Variants in COLEC10 observed in about 807,000 individuals in gnomAD.
The protein encoded by COLEC10 is collectin subfamily member 10.
In COLEC10, 22 loss-of-function variants were observed where a neutral mutation model predicts 28.4. The observed-to-expected ratio is 0.78, with a 90% CI of 0.55 to 1.11. The LOEUF (loss-of-function observed/expected upper bound fraction) is 1.11. Ranked by LOEUF, COLEC10 falls within the 50% of genes least tolerant of loss-of-function variation. The pLI is 0.00. For synonymous variants in COLEC10, 125 were observed against 116.1 expected (o/e 1.08, Z -0.49); for missense variants, 361 against 344.1 (o/e 1.05, Z -0.39).
intron 1 of COLEC10, among the ~76,000 whole-genome samples, chr8:118,999,138 A>T (rs1386931987): frequency 6.6e-6 from 1 of 152,238 alleles, no homozygotes; most frequent in Non-Finnish European, 1.5e-5. Flanking sequence ...ACATTTATTT[A>T]TTATAAATAC....
intron 1 of COLEC10, among the ~76,000 whole-genome samples, chr8:119,069,363 G>A (rs1815042112): frequency 6.6e-6 from 1 of 151,818 alleles, no homozygotes; most frequent in Non-Finnish European, 1.5e-5. Context: ...GGGAGGCCAA[G>A]GCAGGTGGAT....
At chr8:119,065,402 G>T (rs934186543), upstream of COLEC10, among the ~76,000 whole-genome samples, 2 of 152,118 alleles carry the variant, frequency 1.3e-5, no homozygotes, top group African/African-American at 4.8e-5. Flanking sequence ...AGAATCTAAT[G>T]CCTGATGATC....
chr8:118,968,999 A>T, the COLEC10 span, among the ~76,000 whole-genome samples: 1 of 152,078 alleles, frequency 6.6e-6, no homozygotes, highest in Non-Finnish European at 1.5e-5. Context: ...GAGGTTTCAC[A>T]TAATTGATTA....
Position 119,103,898 on chromosome 8 carries a change from G to A in COLEC10, c.442+3G>A. 2 of 1,580,334 alleles carry A rather than the reference G, an allele frequency of 1.3e-6. No homozygotes were observed. The highest frequency in any genetic ancestry group is 8.7e-7 in the Non-Finnish European group (1 of 1,149,828). On this transcript the variant is annotated splice_donor_region_variant and intron_variant, in intron 5 of 5. Transcript: ENST00000332843. ...ATCTATGAAGTTTGTCAAGAATGGTGAGCATATTCTCTTTTGTGTTATGTA... is the reference window on the plus strand; with the variant it reads ...ATCTATGAAGTTTGTCAAGAATGGTAAGCATATTCTCTTTTGTGTTATGTA...
the COLEC10 span, among the ~76,000 whole-genome samples, chr8:118,984,373 A>G: frequency 6.6e-6 from 1 of 152,126 alleles, no homozygotes; most frequent in African/African-American, 2.4e-5. Context: ...ATAAAAAACA[A>G]CTATTGCGTA....
At chr8:119,081,120 C>A (rs943509451) in intron 1 of COLEC10, among the ~76,000 whole-genome samples, 1 of 152,020 alleles carries the variant, frequency 6.6e-6, no homozygotes, top group Non-Finnish European at 1.5e-5. Context: ...TTGCCTAAGG[C>A]AAATTAGGGT....
chr8:118,972,163 A>G, the COLEC10 span, among the ~76,000 whole-genome samples: 3 of 151,944 alleles, frequency 2.0e-5, no homozygotes, highest in Non-Finnish European at 1.5e-5. Flanking sequence ...GCCTTGAGTA[A>G]AAAAAGTTAT....
chr8:119,072,249 G>A (rs998531419), intron 1 of COLEC10, among the ~76,000 whole-genome samples: 1 of 151,638 alleles, frequency 6.6e-6, no homozygotes, highest in African/African-American at 2.4e-5. Context: ...GGGGTGACAG[G>A]AGCAAGATTG....
chr8:119,100,113 T>G (rs887625937), intron 3 of COLEC10, among the ~76,000 whole-genome samples: 1 of 152,198 alleles, frequency 6.6e-6, no homozygotes, highest in African/African-American at 2.4e-5. Flanking sequence ...TGATGAGGAC[T>G]GCTATTCTTT....
intron 1 of COLEC10, among the ~76,000 whole-genome samples, chr8:118,999,420 A>C (rs1167579191): frequency 6.6e-6 from 1 of 151,954 alleles, no homozygotes; most frequent in African/African-American, 2.4e-5. Flanking sequence ...GTGAAACCCC[A>C]TCTCTACTGA....
At chr8:119,074,474 A>T (rs1815186943) in intron 1 of COLEC10, among the ~76,000 whole-genome samples, 1 of 152,152 alleles carries the variant, frequency 6.6e-6, no homozygotes, top group South Asian at 2.1e-4. Context: ...CATATTGCCC[A>T]CCTCAAATGC....
At chr8:118,963,462 A>G in the COLEC10 span, among the ~76,000 whole-genome samples, 2 of 152,210 alleles carry the variant, frequency 1.3e-5, no homozygotes, top group African/African-American at 4.8e-5. Context: ...CATTCAACTC[A>G]AGGAGCTCTC....
At chr8:119,053,284 G>A (rs1401672244) in intron 2 of COLEC10, among the ~76,000 whole-genome samples, 1 of 152,120 alleles carries the variant, frequency 6.6e-6, no homozygotes, top group Non-Finnish European at 1.5e-5. Context: ...GCTAAAAAGA[G>A]ATGAGCAGCA....
At chr8:119,029,336 C>T (rs542490383) in intron 2 of COLEC10, among the ~76,000 whole-genome samples, 63 of 152,262 alleles carry the variant, frequency 4.1e-4, no homozygotes, top group Admixed American at 1.0e-3. Flanking sequence ...ATCTGGGAGA[C>T]GATCAGCAAT....
At chr8:118,961,175 T>C in the COLEC10 span, among the ~76,000 whole-genome samples, 1 of 152,138 alleles carries the variant, frequency 6.6e-6, no homozygotes, top group Non-Finnish European at 1.5e-5. Flanking sequence ...ACTATAGTGA[T>C]AAGGAAACTA....
At chr8:119,054,848 A>G (rs1207207726) in intron 2 of COLEC10, among the ~76,000 whole-genome samples, 2 of 152,120 alleles carry the variant, frequency 1.3e-5, no homozygotes, top group African/African-American at 4.8e-5. Context: ...AAAGACTGCA[A>G]TATCTATGAA....
chr8:118,957,814 A>G, the COLEC10 span, among the ~76,000 whole-genome samples: 22 of 152,158 alleles, frequency 1.4e-4, no homozygotes, highest in East Asian at 7.8e-4. Flanking sequence ...TCATTTTACC[A>G]CCATTATGCT....
At chr8:118,963,431 C>T in the COLEC10 span, among the ~76,000 whole-genome samples, 51,887 of 152,064 alleles carry the variant, frequency 0.34, 9,104 homozygotes, top group Middle Eastern at 0.45. Flanking sequence ...TACACTCTCC[C>T]TCCATACCTA....
the COLEC10 span, among the ~76,000 whole-genome samples, chr8:118,965,696 G>A: frequency 1.3e-5 from 2 of 151,838 alleles, no homozygotes; most frequent in Non-Finnish European, 2.9e-5. Context: ...CCTCCAACAC[G>A]GTCTTTCAAA....
Sources: allele counts gnomAD v4.1 joint callset (sites outside exome capture counted in the v4.1 genomes callset), GRCh38; gene constraint gnomAD v4.1.1; transcripts MANE v1.5; gene names NCBI Gene and HGNC (gene_info 2026-07-23, HGNC 2026-07-21).